The following DGLUCY variants were observed in gnomAD, a reference collection of about 807,000 sequenced individuals.
The protein encoded by DGLUCY is D-glutamate cyclase, also known as D-glutamate cyclase, mitochondrial.
A neutral mutation model predicts 58.5 loss-of-function variants in DGLUCY; 58 were observed. That is an observed-to-expected ratio of 0.99 (90% CI 0.80 to 1.23). DGLUCY has a LOEUF of 1.23. Among genes scored for constraint, DGLUCY ranks in the 50% most tolerant of loss-of-function variants. The probability of loss-of-function intolerance (pLI) is 0.00; values close to 1 mark genes in which losing one functional copy is unlikely to be tolerated. For synonymous variants in DGLUCY, 325 were observed against 314.1 expected, an observed-to-expected ratio of 1.03 and a Z score of -0.37; for missense variants, 779 against 784.7, an observed-to-expected ratio of 0.99 and a Z score of 0.09.
At chr14:91,074,090 T>C (rs2043967648) in intron 1 of DGLUCY, among the ~76,000 whole-genome samples, 2 of 132,104 alleles carry the variant, frequency 1.5e-5, no homozygotes, top group Admixed American at 8.1e-5. Flanking sequence ...ACCTCATCTC[T>C]ACCAAAAAAA....
intron 1 of DGLUCY, among the ~76,000 whole-genome samples, chr14:91,096,011 T>A (rs1187801485): frequency 6.6e-6 from 1 of 152,182 alleles, no homozygotes; most frequent in African/African-American, 2.4e-5. Flanking sequence ...TCATGGCCTC[T>A]GGGGATAATG....
rs1334476759 is a variant in DGLUCY, at chr14:91,181,333, C to T, written c.878C>T (p.Ser293Leu). 1.2e-5 allele frequency: 19 copies of T among 1,614,056 alleles called. No homozygotes were observed. Among genetic ancestry groups the T allele is most frequent in the Non-Finnish European group, 1.5e-5 (18 of 1,180,036 alleles). ...SQDPLHYSIA[S>L]VSASQKIREL... ...GATCCTCTGCACTACAGCATCGCGT[C>T]AGTCTCTGCTTCTCAGAAGATCAGA... The change falls in exon 8 of 14, where the codon TCA becomes TTA. Residue 293 changes from serine (S) to leucine (L), a missense_variant. Ser to Leu is a moderately radical substitution (Grantham distance 145). Coordinates refer to ENST00000256324, the MANE Select transcript of DGLUCY (RefSeq NM_001102368.3).
At chr14:91,124,383 C>G (rs1489663738) in intron 1 of DGLUCY, among the ~76,000 whole-genome samples, 2 of 152,196 alleles carry the variant, frequency 1.3e-5, no homozygotes, top group African/African-American at 4.8e-5. Context: ...TATTGTATTA[C>G]TGCATTTGGT....
intron 13 of DGLUCY, among the ~76,000 whole-genome samples, chr14:91,217,303 G>A (rs761093856): frequency 2.6e-5 from 4 of 152,120 alleles, no homozygotes; most frequent in Non-Finnish European, 5.9e-5. Flanking sequence ...TGTGGGAGAG[G>A]GCGTGGAAGG....
chr14:91,173,029 G>A (rs1290235258), intron 5 of DGLUCY, among the ~76,000 whole-genome samples: 1 of 152,134 alleles, frequency 6.6e-6, no homozygotes. Context: ...GCAGTTAAAG[G>A]CATTACTTTG....
At position 91,199,823 on chromosome 14, in the gene DGLUCY, G is replaced by A. The variant is rs973570849; in HGVS notation, c.1362G>A (p.Arg454=). ...RAADGNYYNA[R]KMNIKHLVDP... ...CTGATGGCAATTACTACAATGCAAGGAAGATGAACATCAAGCACTTGGTTG... is the reference window on the plus strand; with the variant it reads ...CTGATGGCAATTACTACAATGCAAGAAAGATGAACATCAAGCACTTGGTTG... Residue 454 remains arginine (R), a synonymous_variant, in exon 11 of 14, where the codon AGG becomes AGA. Coordinates refer to ENST00000256324, the MANE Select transcript of DGLUCY (RefSeq NM_001102368.3). 9 of 1,614,184 alleles carry A rather than the reference G, an allele frequency of 5.6e-6. No homozygotes were observed. The African/African-American group carries it at 1.1e-4, about 19-fold the overall frequency.
At position 91,184,177 on chromosome 14, in the gene DGLUCY, G is replaced by A. The variant is rs1376648240; in HGVS notation, c.934+2788G>A. On this transcript the variant is annotated intron_variant, in intron 8 of 13. Coordinates refer to ENST00000256324, the MANE Select transcript of DGLUCY (RefSeq NM_001102368.3). ...CAGGGCCCAGACAGGACTGATTCCA[G>A]CACCAGTTTAAAGCCTACAGCAGCT... Among the ~76,000 whole-genome samples, 3 of 152,072 alleles carry A rather than the reference G, an allele frequency of 2.0e-5. No individual in the cohort carries two copies. The East Asian group carries it at 5.8e-4, about 30-fold the overall frequency.
chr14:91,222,992 C>A (rs1469011711), intron 13 of DGLUCY, among the ~76,000 whole-genome samples: 1 of 152,214 alleles, frequency 6.6e-6, no homozygotes, highest in African/African-American at 2.4e-5. Context: ...AAGAGCACTT[C>A]ACATCCTGAC....
At chr14:91,061,874 G>T (rs2043697777) in intron 1 of DGLUCY, among the ~76,000 whole-genome samples, 2 of 152,186 alleles carry the variant, frequency 1.3e-5, no homozygotes, top group Admixed American at 1.3e-4. Context: ...CAGGAATCCT[G>T]CTGCAAGGAT....
chr14:91,107,511 C>G (rs1178442511), upstream of DGLUCY, among the ~76,000 whole-genome samples: 1 of 151,776 alleles, frequency 6.6e-6, no homozygotes, highest in East Asian at 1.9e-4. Context: ...GAGTGAGACT[C>G]CATCTCAAAA....
chr14:91,185,438 A>G (rs1402133028), intron 8 of DGLUCY: 1 of 151,358 alleles, frequency 6.6e-6, no homozygotes, highest in Non-Finnish European at 1.5e-5. Context: ...GCGCACCACC[A>G]TGCTGGGCTA....
chr14:91,153,019 C>T (rs530561909), intron 1 of DGLUCY, among the ~76,000 whole-genome samples: 1 of 152,192 alleles, frequency 6.6e-6, no homozygotes, highest in South Asian at 2.1e-4. Flanking sequence ...TCAGTGGATG[C>T]TTCTTGGGTT....
chr14:91,105,298 G>A (rs1168401825), upstream of DGLUCY, among the ~76,000 whole-genome samples: 1 of 151,998 alleles, frequency 6.6e-6, no homozygotes, highest in African/African-American at 2.4e-5. Flanking sequence ...CTGGGTGACA[G>A]AGTGAGACTC....
chr14:91,100,264 TG>T (rs1278018817), intron 1 of DGLUCY, among the ~76,000 whole-genome samples: 3 of 151,974 alleles, frequency 2.0e-5, no homozygotes, highest in Non-Finnish European at 4.4e-5. Context: ...AGTGCATTGG[TG>T]GGTGTTAGGG....
rs192792070 is a variant in DGLUCY at position 91,203,839 on chromosome 14, G to A, written c.1445-867G>A. Among the ~76,000 whole-genome samples, 65 of 152,226 alleles carry A rather than the reference G, an allele frequency of 4.3e-4. 1 individual carries two copies. The Middle Eastern group carries it at 0.017, about 40-fold the overall frequency. ...CTACAGGCATGTGCCACCATGTCTG[G>A]GTAATTTTTGTATTTTTAGTAGAGG... On this transcript the variant is annotated intron_variant, in intron 11 of 13. Transcript: ENST00000256324.
At chr14:91,183,359 A>G (rs984862427) in intron 8 of DGLUCY, among the ~76,000 whole-genome samples, 7 of 152,160 alleles carry the variant, frequency 4.6e-5, no homozygotes, top group South Asian at 2.1e-4. Context: ...ACTTCCTGCT[A>G]TGTCTTCATT....
rs767173655 is a variant in DGLUCY, at chr14:91,160,323, G to A, written c.29G>A (p.Arg10His). The A allele has an allele frequency of 8.1e-6, 13 of 1,609,166 alleles. No homozygotes were observed. The highest frequency in any genetic ancestry group is 1.7e-4 in the Middle Eastern group (1 of 6,048). Residue 10 changes from arginine to histidine, a missense_variant, in exon 3 of 14, where the codon CGC (arginine) becomes CAC (histidine). Transcript: ENST00000256324. ...CCCTTCACACTCCACCTGAGGTCCC[G>A]CCTTCCCTCTGCCATAAGGAGTTTG... MPFTLHLRS[R>H]LPSAIRSLIL...
chr14:91,220,891 C>A (rs1887376165), intron 13 of DGLUCY: 1 of 349,560 alleles, frequency 2.9e-6, no homozygotes, highest in Non-Finnish European at 5.7e-6. Flanking sequence ...AGTGGGCAAG[C>A]CAATGCCAGG....
chr14:91,208,099 C>G (rs539353441), intron 12 of DGLUCY, among the ~76,000 whole-genome samples: 24 of 152,026 alleles, frequency 1.6e-4, no homozygotes, highest in Non-Finnish European at 2.5e-4. Flanking sequence ...AGGTAGCAAC[C>G]AATGCAGAAT....
Sources: gnomAD v4.1 joint callset for allele counts (sites outside exome capture counted in the v4.1 genomes callset) on GRCh38, gnomAD v4.1.1 for gene constraint, MANE v1.5 for transcripts, NCBI Gene and HGNC (gene_info 2026-07-23, HGNC 2026-07-21) for gene names.